Variants in PSMD14 observed in about 807,000 individuals in gnomAD.
PSMD14 encodes the protein ubiquitin C-terminal hydrolase PSMD14.
A neutral mutation model predicts 41.2 loss-of-function variants in PSMD14; 7 were observed. The observed-to-expected ratio is 0.17, with a 90% CI of 0.10 to 0.32. The LOEUF is 0.32. Among genes scored for constraint, PSMD14 ranks in the 10% least tolerant of loss-of-function variants. The pLI, the probability that PSMD14 is intolerant of heterozygous loss-of-function variation, is 1.00. For missense variants in PSMD14, 139 were observed against 375.6 expected (o/e 0.37, Z 5.21); for synonymous variants, 114 against 122.3 (o/e 0.93, Z 0.45).
intron 7 of PSMD14, among the ~76,000 whole-genome samples, chr2:161,376,255 G>A (rs554126839): frequency 2.4e-4 from 37 of 151,376 alleles, no homozygotes; most frequent in Non-Finnish European, 5.0e-4. Context: ...ATTTTCTTGA[G>A]CTTCAGATTT....
intron 7 of PSMD14, among the ~76,000 whole-genome samples, chr2:161,374,072 T>C (rs1336962229): frequency 6.6e-6 from 1 of 151,938 alleles, no homozygotes; most frequent in Non-Finnish European, 1.5e-5. Context: ...AATCCAGTTC[T>C]GTAAAATTTC....
chr2:161,323,275 A>G (rs1682637790), intron 3 of PSMD14, among the ~76,000 whole-genome samples: 1 of 152,062 alleles, frequency 6.6e-6, no homozygotes, highest in South Asian at 2.1e-4. Flanking sequence ...TTTCTTTTCC[A>G]TTAGTTTTTA....
At chr2:161,397,655 G>C (rs1683820429) in intron 10 of PSMD14, among the ~76,000 whole-genome samples, 1 of 152,086 alleles carries the variant, frequency 6.6e-6, no homozygotes, top group African/African-American at 2.4e-5. Flanking sequence ...TTATCCAAGA[G>C]ACAGTGTATA....
chr2:161,391,320 A>G (rs970182258), intron 9 of PSMD14, 142 bp downstream of exon 9: 8 of 906,664 alleles, frequency 8.8e-6, no homozygotes, highest in Non-Finnish European at 1.1e-5. Context: ...GAATTGCAGC[A>G]CAAAATAAGG....
rs946103898 is a variant in PSMD14 at position 161,371,107 on chromosome 2, T to C, written c.312-65T>C. On this transcript the variant is annotated intron_variant, in intron 6 of 11. Coordinates refer to ENST00000409682, the MANE Select transcript of PSMD14 (RefSeq NM_005805.6). ...ATTTATACCCCGTTAGTGTGTTGTT[T>C]CTTTTCATATCATAAATGTATTACT... 54 of 1,523,116 alleles carry C rather than the reference T, an allele frequency of 3.5e-5. No homozygotes were observed. In the African/African-American group the frequency reaches 7.3e-4, roughly 21 times the overall value. 94.4% of individuals were successfully genotyped at this position (1,523,116 alleles called of 1,614,324 possible).
At chr2:161,364,540 T>C (rs1683333818) in intron 3 of PSMD14, among the ~76,000 whole-genome samples, 1 of 152,200 alleles carries the variant, frequency 6.6e-6, no homozygotes, top group South Asian at 2.1e-4. Flanking sequence ...TATCAGCTGT[T>C]CATGTTCTTA....
intron 3 of PSMD14, among the ~76,000 whole-genome samples, chr2:161,349,558 C>T (rs1383520359): frequency 6.6e-6 from 1 of 152,108 alleles, no homozygotes; most frequent in Non-Finnish European, 1.5e-5. Flanking sequence ...TTTGACTTTT[C>T]TATTTAAGAT....
intron 10 of PSMD14, among the ~76,000 whole-genome samples, chr2:161,403,323 G>GA (rs935851094): frequency 2.6e-5 from 4 of 152,086 alleles, no homozygotes; most frequent in African/African-American, 4.8e-5. Context: ...CAATTTATAT[G>GA]AAAAAAACAG....
intron 3 of PSMD14, among the ~76,000 whole-genome samples, chr2:161,327,743 T>C (rs1198822667): frequency 6.6e-6 from 1 of 151,924 alleles, no homozygotes; most frequent in Non-Finnish European, 1.5e-5. Context: ...AGCAGAACCA[T>C]AGATAAGTAA....
chr2:161,393,294 T>G (rs895547017), intron 9 of PSMD14, among the ~76,000 whole-genome samples: 4 of 152,166 alleles, frequency 2.6e-5, no homozygotes, highest in African/African-American at 9.6e-5. Flanking sequence ...GCACCCACAT[T>G]TCCCAAACAT....
At chr2:161,398,020 A>G (rs990086365) in intron 10 of PSMD14, among the ~76,000 whole-genome samples, 1 of 152,184 alleles carries the variant, frequency 6.6e-6, no homozygotes, top group African/African-American at 2.4e-5. Context: ...GTAAATTTGT[A>G]TTGGTACTAC....
At chr2:161,402,219 G>A (rs774093723) in intron 10 of PSMD14, among the ~76,000 whole-genome samples, 7 of 152,086 alleles carry the variant, frequency 4.6e-5, no homozygotes, top group Non-Finnish European at 7.3e-5. Flanking sequence ...CCATTCTGTA[G>A]AATGATCTTT....
intron 3 of PSMD14, among the ~76,000 whole-genome samples, chr2:161,360,673 A>G (rs1385767739): frequency 6.6e-6 from 1 of 151,716 alleles, no homozygotes; most frequent in Non-Finnish European, 1.5e-5. Context: ...GGTAGTTGGG[A>G]TTGCAAGTAC....
At chr2:161,404,852 T>A (rs976629412) in intron 10 of PSMD14, among the ~76,000 whole-genome samples, 1 of 152,222 alleles carries the variant, frequency 6.6e-6, no homozygotes, top group South Asian at 2.1e-4. Flanking sequence ...GCCTTTGCTA[T>A]GAGCATTTCC....
At chr2:161,340,899 T>C (rs774724549) in intron 3 of PSMD14, 47 of 1,613,764 alleles carry the variant, frequency 2.9e-5, no homozygotes, top group Non-Finnish European at 3.7e-5. Flanking sequence ...CCCGGGGCTG[T>C]ATTTGAAGGA....
chr2:161,371,388 A>G, intron 7 of PSMD14, 66 bp downstream of exon 7: 1 of 1,481,700 alleles, frequency 6.7e-7, no homozygotes, highest in Non-Finnish European at 9.1e-7. Context: ...ATTAAATAAA[A>G]ATCAATTTTG....
chr2:161,399,807 G>A (rs1373792375), intron 10 of PSMD14, among the ~76,000 whole-genome samples: 1 of 152,148 alleles, frequency 6.6e-6, no homozygotes, highest in Non-Finnish European at 1.5e-5. Context: ...CCGTCTTTCA[G>A]TTTTAAGTGC....
chr2:161,315,313 C>T (rs575928173), intron 1 of PSMD14, among the ~76,000 whole-genome samples: 1 of 152,256 alleles, frequency 6.6e-6, no homozygotes, highest in East Asian at 1.9e-4. Flanking sequence ...GTTAGTAAAT[C>T]CTGGCTAATT....
At chr2:161,400,223 T>C (rs1683857465) in intron 10 of PSMD14, among the ~76,000 whole-genome samples, 2 of 152,236 alleles carry the variant, frequency 1.3e-5, no homozygotes, top group Non-Finnish European at 2.9e-5. Context: ...CCAGGTTCCT[T>C]CTATCTCTCT....
Sources: gnomAD v4.1 joint callset for allele counts (sites outside exome capture counted in the v4.1 genomes callset) on GRCh38, gnomAD v4.1.1 for gene constraint, MANE v1.5 for transcripts, NCBI Gene and HGNC (gene_info 2026-07-23, HGNC 2026-07-21) for gene names.